Variants in PWP1 observed in about 807,000 individuals in gnomAD.
PWP1 encodes the protein PWP1 homolog, endonuclein, also known as periodic tryptophan protein 1 homolog.
A neutral mutation model predicts 69.9 loss-of-function variants in PWP1; 47 were observed. The ratio of observed to expected loss-of-function variants is 0.67; its 90% confidence interval spans 0.53 to 0.86. The LOEUF is 0.86. Among genes scored for constraint, PWP1 ranks in the 40% least tolerant of loss-of-function variants. The pLI is 0.00. For synonymous variants in PWP1, 222 were observed against 208.2 expected (o/e 1.07, Z -0.57); for missense variants, 551 against 608.8 (o/e 0.91, Z 1.00).
At chr12:107,704,908 C>G (rs528257938) in intron 11 of PWP1, among the ~76,000 whole-genome samples, 161 bp downstream of exon 11, 3 of 151,928 alleles carry the variant, frequency 2.0e-5, no homozygotes, top group African/African-American at 7.3e-5. Flanking sequence ...AATAAGAGAA[C>G]GGCTCTTACT....
intron 9 of PWP1, 48 bp from the exon 10 acceptor site, chr12:107,703,637 G>T: frequency 6.6e-7 from 1 of 1,510,000 alleles, no homozygotes; most frequent in Non-Finnish European, 9.2e-7. Flanking sequence ...GTAATTTTAC[G>T]AAAAGCAAAC....
At chr12:107,697,846 T>C (rs970835113) in intron 7 of PWP1, 3 of 527,576 alleles carry the variant, frequency 5.7e-6, no homozygotes, top group Non-Finnish European at 1.1e-5. Flanking sequence ...AGTATATTAA[T>C]ATGAATAGCT....
chr12:107,709,280 C>G, intron 13 of PWP1, 48 bp downstream of exon 13: 1 of 1,581,706 alleles, frequency 6.3e-7, no homozygotes, highest in Non-Finnish European at 8.6e-7. Context: ...TGTTTCTGAC[C>G]TTGTCTTTTT....
chr12:107,689,859 C>T (rs909884986), intron 3 of PWP1, among the ~76,000 whole-genome samples: 9 of 152,302 alleles, frequency 5.9e-5, no homozygotes, highest in Admixed American at 3.3e-4. Context: ...GAGATGACAA[C>T]TACCTATATT....
chr12:107,687,017 C>T (rs541022937), intron 1 of PWP1, among the ~76,000 whole-genome samples: 2 of 149,780 alleles, frequency 1.3e-5, no homozygotes, highest in South Asian at 2.1e-4. Flanking sequence ...AAGACCCTGC[C>T]TTTATGGAGT....
intron 3 of PWP1, among the ~76,000 whole-genome samples, chr12:107,690,272 T>C (rs1010310243): frequency 3.9e-5 from 6 of 152,132 alleles, no homozygotes; most frequent in African/African-American, 1.4e-4. Context: ...CCCAGCTACT[T>C]GGGAGGCTGA....
chr12:107,697,907 TA>T (rs1230682044), intron 7 of PWP1: 7 of 422,340 alleles, frequency 1.7e-5, no homozygotes, highest in Non-Finnish European at 2.7e-5. Flanking sequence ...ATACAGTAGC[TA>T]TTTATACAGA....
rs896701863 is a variant in PWP1, at chr12:107,696,523, G to A, written c.552G>A (p.Leu184=). Residue 184 remains leucine, a synonymous_variant, in exon 6 of 15, where the codon TTG becomes TTA. Coordinates refer to ENST00000412830, the MANE Select transcript of PWP1 (RefSeq NM_007062.3). ...TTTATGTACACCATGATATACTCTT[G>A]TCTGCATATCCTCTGAGTGTGGAAT... The part of the protein sequence containing the change: ...DSFYVHHDIL[L]SAYPLSVEWL... 1.8e-5 allele frequency: 29 copies of A among 1,613,876 alleles called. No individual in the cohort carries two copies. The highest frequency in any genetic ancestry group is 2.4e-5 in the Non-Finnish European group (28 of 1,180,000).
In PWP1 at chr12:107,703,027, A is replaced by G. The variant is rs373765288; in HGVS notation, c.899A>G (p.Asp300Gly). The G allele has an allele frequency of 1.3e-5, 21 of 1,592,032 alleles. No homozygotes were observed. Among genetic ancestry groups the G allele is most frequent in the African/African-American group, 1.1e-4 (8 of 74,428 alleles). Residue 300 changes from aspartate (D) to glycine (G), a missense_variant, in exon 9 of 15, where the codon GAC becomes GGC. Coordinates refer to ENST00000412830, the MANE Select transcript of PWP1 (RefSeq NM_007062.3). Reference sequence around the variant, plus strand: ...GCAGCTAGCCTCGCTGTACACACAGACAAGGTATGGTGATTTAGTTGATCA... The same window carrying G: ...GCAGCTAGCCTCGCTGTACACACAGGCAAGGTATGGTGATTTAGTTGATCA... The part of the protein sequence containing the change: ...KPAASLAVHT[D>G]KVQTLQFHPF...
At chr12:107,709,899 C>T (rs1035326112) in intron 13 of PWP1, among the ~76,000 whole-genome samples, 2 of 152,024 alleles carry the variant, frequency 1.3e-5, no homozygotes, top group African/African-American at 2.4e-5. Flanking sequence ...ACATTTAACT[C>T]TAGTAGATTA....
Position 107,709,022 on chromosome 12 carries a change from C to G in PWP1, c.1168+6C>G. The G allele has an allele frequency of 1.9e-6, 3 of 1,613,668 alleles. No individual in the cohort carries two copies. The highest frequency in any genetic ancestry group is 2.5e-6 in the Non-Finnish European group (3 of 1,179,734). On this transcript the variant is annotated splice_donor_region_variant and intron_variant, in intron 12 of 14. Transcript: ENST00000412830. ...ACACAATGATGAAATCTCTGGTGAG[C>G]AAGAGTAATGCTTCTTTCATTTTTC...
At chr12:107,700,193 A>G (rs1889679063) in intron 8 of PWP1, among the ~76,000 whole-genome samples, 1 of 152,216 alleles carries the variant, frequency 6.6e-6, no homozygotes, top group South Asian at 2.1e-4. Flanking sequence ...GGGTGGGGAC[A>G]TAGCCAAATC....
At chr12:107,693,140 A>G in intron 5 of PWP1, 44 bp downstream of exon 5, 1 of 1,566,142 alleles carries the variant, frequency 6.4e-7, no homozygotes, top group Non-Finnish European at 8.6e-7. Context: ...AAGTGATGGT[A>G]AAATAATAAG....
intron 6 of PWP1, among the ~76,000 whole-genome samples, 199 bp downstream of exon 6, chr12:107,696,783 T>C (rs908360819): frequency 6.6e-6 from 1 of 152,198 alleles, no homozygotes; most frequent in South Asian, 2.1e-4. Context: ...AGACTTCAGG[T>C]AGGCTAAGGA....
chr12:107,686,027 C>G, intron 1 of PWP1, 56 bp downstream of exon 1: 6 of 1,581,012 alleles, frequency 3.8e-6, no homozygotes, highest in East Asian at 2.2e-5. Flanking sequence ...CACTGGGGGT[C>G]CGCCCAGCTG....
At chr12:107,697,348 TA>T in intron 6 of PWP1, 118 bp from the exon 7 acceptor site, 1 of 1,014,352 alleles carries the variant, frequency 9.9e-7, no homozygotes, top group South Asian at 2.3e-5. Flanking sequence ...CATATGCATA[TA>T]AGTTTGAGAA....
At chr12:107,691,679 A>G (rs558608439) in intron 3 of PWP1, among the ~76,000 whole-genome samples, 2,190 of 151,482 alleles carry the variant, frequency 0.014, 60 homozygotes, top group African/African-American at 0.051. Context: ...CCATCTTATT[A>G]TCGCTGGTGT....
At chr12:107,710,822 CTT>C (rs1040152581) in intron 14 of PWP1, among the ~76,000 whole-genome samples, 8 of 152,172 alleles carry the variant, frequency 5.3e-5, no homozygotes, top group Non-Finnish European at 8.8e-5. Context: ...GTAGTGTAGT[CTT>C]TTTAGGAAAG....
At chr12:107,701,460 T>C (rs973034345) in intron 8 of PWP1, among the ~76,000 whole-genome samples, 3 of 152,204 alleles carry the variant, frequency 2.0e-5, no homozygotes, top group African/African-American at 4.8e-5. Flanking sequence ...GTGTCTACTT[T>C]ATTTCTTTTG....
Sources: gnomAD v4.1 joint callset for allele counts (sites outside exome capture counted in the v4.1 genomes callset) on GRCh38, gnomAD v4.1.1 for gene constraint, MANE v1.5 for transcripts, NCBI Gene and HGNC (gene_info 2026-07-23, HGNC 2026-07-21) for gene names.